Variants in KCNIP4 observed in about 807,000 individuals in gnomAD.
KCNIP4 encodes potassium voltage-gated channel interacting protein 4.
A neutral mutation model predicts 34.0 loss-of-function variants in KCNIP4; 12 were observed. The ratio of observed to expected loss-of-function variants is 0.35; its 90% CI spans 0.23 to 0.57. The LOEUF (loss-of-function observed/expected upper bound fraction) is 0.57, where lower values mean the gene tolerates loss of function less well. KCNIP4 is among the 20% of genes least tolerant of loss of function. The pLI is 0.83. For synonymous variants in KCNIP4, 124 were observed against 102.2 expected (o/e 1.21, Z -1.29); for missense variants, 238 against 311.7 (o/e 0.76, Z 1.78).
chr4:21,365,467 G>A (rs1719650271), intron 1 of KCNIP4, among the ~76,000 whole-genome samples: 1 of 129,832 alleles, frequency 7.7e-6, no homozygotes, highest in African/African-American at 2.8e-5. Flanking sequence ...AACAGAGTGA[G>A]ACTGTCTCAA....
intron 2 of KCNIP4, among the ~76,000 whole-genome samples, chr4:20,864,839 T>C (rs988268899): frequency 6.6e-6 from 1 of 152,124 alleles, no homozygotes; most frequent in African/African-American, 2.4e-5. Context: ...TAAATCTTGA[T>C]CTTTTTCATT....
At chr4:20,791,473 T>A (rs1045397994) in intron 3 of KCNIP4, among the ~76,000 whole-genome samples, 1 of 152,130 alleles carries the variant, frequency 6.6e-6, no homozygotes, top group Admixed American at 6.6e-5. Flanking sequence ...TGAGTTTTTA[T>A]CATATATAAA....
At chr4:21,282,936 A>G (rs1352711250) in intron 1 of KCNIP4, among the ~76,000 whole-genome samples, 2 of 152,188 alleles carry the variant, frequency 1.3e-5, no homozygotes, top group African/African-American at 2.4e-5. Flanking sequence ...GAACACCCAA[A>G]TCTCCGTCAA....
chr4:21,231,760 TG>T (rs1463162993), intron 1 of KCNIP4, among the ~76,000 whole-genome samples: 1 of 152,158 alleles, frequency 6.6e-6, no homozygotes, highest in Non-Finnish European at 1.5e-5. Context: ...TTGATAAAGA[TG>T]TGAAGCCATT....
intron 1 of KCNIP4, among the ~76,000 whole-genome samples, chr4:21,821,857 A>T (rs1043459168): frequency 3.3e-5 from 5 of 152,138 alleles, no homozygotes; most frequent in Non-Finnish European, 5.9e-5. Context: ...TGTCACAATG[A>T]AACAATTTTA....
intron 3 of KCNIP4, among the ~76,000 whole-genome samples, chr4:20,805,129 A>C (rs1714894834): frequency 6.6e-6 from 1 of 151,116 alleles, no homozygotes; most frequent in Admixed American, 6.6e-5. Flanking sequence ...GAATGTAGGC[A>C]AAAGGAAGTT....
At chr4:21,303,967 T>C in intron 1 of KCNIP4, 2 of 1,576,454 alleles carry the variant, frequency 1.3e-6, no homozygotes, top group Non-Finnish European at 1.7e-6. Flanking sequence ...CTGGCTTTCT[T>C]TGTAAAGCCA....
At chr4:20,770,039 G>A (rs1368065012) in intron 3 of KCNIP4, among the ~76,000 whole-genome samples, 1 of 152,078 alleles carries the variant, frequency 6.6e-6, no homozygotes, top group Non-Finnish European at 1.5e-5. Context: ...GTATTTGATT[G>A]GATAACCAAG....
chr4:21,137,870 G>GATTT (rs1560755092), intron 1 of KCNIP4, among the ~76,000 whole-genome samples: 1 of 76,250 alleles, frequency 1.3e-5, no homozygotes, highest in Non-Finnish European at 2.7e-5. Flanking sequence ...CCTTACACAG[G>GATTT]CTTTTTTGTT....
At chr4:21,382,414 A>G (rs999876896) in intron 1 of KCNIP4, among the ~76,000 whole-genome samples, 4 of 152,210 alleles carry the variant, frequency 2.6e-5, no homozygotes, top group Admixed American at 2.6e-4. Flanking sequence ...TGCATTGACA[A>G]TATCAAAGGA....
At chr4:21,226,457 T>C (rs1758416466) in intron 1 of KCNIP4, among the ~76,000 whole-genome samples, 3 of 152,052 alleles carry the variant, frequency 2.0e-5, no homozygotes, top group Admixed American at 2.0e-4. Context: ...ATTATGAACG[T>C]GAAATTTGTA....
chr4:21,936,906 C>T (rs531935943), intron 1 of KCNIP4, among the ~76,000 whole-genome samples: 1 of 152,178 alleles, frequency 6.6e-6, no homozygotes, highest in African/African-American at 2.4e-5. Flanking sequence ...CCAGGTATAA[C>T]ACGTTTCCCT....
At chr4:21,781,488 G>A (rs1243011159) in intron 1 of KCNIP4, among the ~76,000 whole-genome samples, 2 of 152,040 alleles carry the variant, frequency 1.3e-5, no homozygotes, top group Non-Finnish European at 2.9e-5. Flanking sequence ...GTATATTTGA[G>A]AGTCACTATT....
At chr4:21,321,931 G>A (rs1000453781) in intron 1 of KCNIP4, among the ~76,000 whole-genome samples, 1 of 139,884 alleles carries the variant, frequency 7.1e-6, no homozygotes, top group Non-Finnish European at 1.6e-5. Context: ...GAAAAAGGTG[G>A]GAAGGAGGGA....
Position 21,722,931 on chromosome 4 carries a change from C to A in KCNIP4, c.61+225640G>T, listed in dbSNP as rs186969589. ...TCAAGGGAATAGTTTTAAAAAGATT[C>A]TCCGTGTTAACAACATGGTAAGGAA... On this transcript the variant is annotated intron_variant, in intron 1 of 8. Coordinates refer to ENST00000382152, the MANE Select transcript of KCNIP4 (RefSeq NM_025221.6). Among the ~76,000 whole-genome samples, 189 of 152,216 alleles carry A rather than the reference C, an allele frequency of 1.2e-3. 1 individual carries two copies. Among genetic ancestry groups the A allele is most frequent in the African/African-American group, 4.4e-3 (183 of 41,526 alleles).
chr4:21,499,178 A>T (rs1482060211), intron 1 of KCNIP4, among the ~76,000 whole-genome samples: 1 of 151,994 alleles, frequency 6.6e-6, no homozygotes, highest in Non-Finnish European at 1.5e-5. Flanking sequence ...TAAAAATACA[A>T]AAATTAGTCA....
chr4:21,632,668 T>C (rs560058211), intron 1 of KCNIP4, among the ~76,000 whole-genome samples: 1 of 152,280 alleles, frequency 6.6e-6, no homozygotes, highest in South Asian at 2.1e-4. Context: ...TAGAACCATG[T>C]AGGAACTCTA....
At chr4:20,898,358 G>C (rs1726785177) in intron 1 of KCNIP4, among the ~76,000 whole-genome samples, 1 of 151,932 alleles carries the variant, frequency 6.6e-6, no homozygotes. Context: ...GAGAACCTTG[G>C]GTAGACAACA....
chr4:21,395,416 T>C (rs1444255244), intron 1 of KCNIP4, among the ~76,000 whole-genome samples: 1 of 152,194 alleles, frequency 6.6e-6, no homozygotes. Flanking sequence ...GTTCTTCCTA[T>C]AGAAGCCTTT....
Sources: allele counts gnomAD v4.1 joint callset (sites outside exome capture counted in the v4.1 genomes callset), GRCh38; gene constraint gnomAD v4.1.1; transcripts MANE v1.5; gene names NCBI Gene and HGNC (gene_info 2026-07-23, HGNC 2026-07-21).